ARHGEF10L: variants seen among roughly 807,000 people sequenced by gnomAD.
ARHGEF10L encodes the protein Rho guanine nucleotide exchange factor 10 like.
In ARHGEF10L, 69 loss-of-function variants were observed where a neutral mutation model predicts 141.2. That is an observed-to-expected ratio of 0.49 (90% CI 0.40 to 0.60). ARHGEF10L has a LOEUF of 0.60. Among genes scored for constraint, ARHGEF10L ranks in the 20% least tolerant of loss-of-function variants. The pLI is 0.00. For synonymous variants in ARHGEF10L, 711 were observed against 718.5 expected (o/e 0.99, Z 0.17); for missense variants, 1,482 against 1,734.3 (o/e 0.85, Z 2.58).
intron 26 of ARHGEF10L, among the ~76,000 whole-genome samples, chr1:17,683,617 A>G (rs7527509): frequency 0.87 from 129,996 of 148,668 alleles, 55,664 homozygotes; most frequent in East Asian, 0.92. Context: ...GAGACATGCC[A>G]GGCTGGGGCT....
chr1:17,553,561 C>T (rs1009071450), intron 1 of ARHGEF10L, among the ~76,000 whole-genome samples: 14 of 151,944 alleles, frequency 9.2e-5, no homozygotes, highest in Non-Finnish European at 1.3e-4. Flanking sequence ...GTGGGAGTGT[C>T]GCTTGAGCCC....
chr1:17,685,892 G>A (rs796461552), intron 26 of ARHGEF10L, among the ~76,000 whole-genome samples: 8 of 152,314 alleles, frequency 5.3e-5, no homozygotes, highest in African/African-American at 1.9e-4. Context: ...GCCCCGTCCA[G>A]GATCCTCCTG....
At chr1:17,579,084 G>A (rs988469965) in intron 1 of ARHGEF10L, among the ~76,000 whole-genome samples, 4 of 152,012 alleles carry the variant, frequency 2.6e-5, no homozygotes, top group Non-Finnish European at 5.9e-5. Context: ...GCGGTGGCAC[G>A]GTCTTGGCTC....
At chr1:17,660,436 T>C (rs1032317401) in intron 25 of ARHGEF10L, among the ~76,000 whole-genome samples, 2 of 152,090 alleles carry the variant, frequency 1.3e-5, no homozygotes, top group African/African-American at 4.8e-5. Flanking sequence ...TTGTGAAGGG[T>C]AGACATGGCA....
intron 12 of ARHGEF10L, among the ~76,000 whole-genome samples, chr1:17,624,033 G>A (rs2060247680): frequency 6.6e-6 from 1 of 152,306 alleles, no homozygotes; most frequent in African/African-American, 2.4e-5. Flanking sequence ...TTTCCTGAAC[G>A]TGAATGCAGT....
At chr1:17,622,917 C>A (rs1172673472) in intron 11 of ARHGEF10L, 79 bp from the exon 12 acceptor site, 2 of 1,476,616 alleles carry the variant, frequency 1.4e-6, no homozygotes, top group Non-Finnish European at 9.1e-7. Context: ...CCATTCATGG[C>A]TGGCCGAGTT....
intron 1 of ARHGEF10L, among the ~76,000 whole-genome samples, chr1:17,550,637 C>G (rs375341495): frequency 3.0e-5 from 4 of 132,628 alleles, no homozygotes; most frequent in African/African-American, 1.2e-4. Context: ...GAGTGAAACT[C>G]CATCTCAAAA....
intron 18 of ARHGEF10L, among the ~76,000 whole-genome samples, chr1:17,635,424 C>T (rs934063084): frequency 8.5e-5 from 13 of 152,212 alleles, no homozygotes; most frequent in African/African-American, 1.2e-4. Flanking sequence ...TTCCCATTGC[C>T]GGTCCTGAGG....
rs1259023450 is a variant in ARHGEF10L, at chr1:17,687,765, AC to A, written c.3184+19del. 1.9e-6 allele frequency: 3 copies of A among 1,559,926 alleles called. No individual in the cohort carries two copies. Among genetic ancestry groups the A allele is most frequent in the Admixed American group, 1.8e-5 (1 of 55,802 alleles). Reference sequence around the variant, plus strand: ...CCTGCCAGGTGAGGCTGCCTCGGGCACGGGGGAGCGGACAGTCACAGAGCAC... The same window carrying A: ...CCTGCCAGGTGAGGCTGCCTCGGGCAGGGGGAGCGGACAGTCACAGAGCAC... On this transcript the variant is annotated intron_variant, in intron 27 of 28. Transcript: ENST00000361221.
At chr1:17,575,104 C>T (rs942885118) in intron 1 of ARHGEF10L, among the ~76,000 whole-genome samples, 6 of 152,182 alleles carry the variant, frequency 3.9e-5, no homozygotes, top group African/African-American at 7.2e-5. Flanking sequence ...GTGTGTACCC[C>T]GGGCCAGACC....
At chr1:17,635,170 C>G (rs1251833732) in intron 18 of ARHGEF10L, among the ~76,000 whole-genome samples, 154 bp downstream of exon 18, 2 of 152,202 alleles carry the variant, frequency 1.3e-5, no homozygotes. Context: ...TTTGCAGCCC[C>G]ACCCTGGACC....
chr1:17,521,557 C>T, the ARHGEF10L span, among the ~76,000 whole-genome samples: 8 of 152,214 alleles, frequency 5.3e-5, no homozygotes, highest in African/African-American at 1.4e-4. Context: ...TACTTCATGG[C>T]GAGCACTTTG....
At chr1:17,688,098 C>T (rs2064770373) in intron 27 of ARHGEF10L, among the ~76,000 whole-genome samples, 1 of 152,248 alleles carries the variant, frequency 6.6e-6, no homozygotes, top group Non-Finnish European at 1.5e-5. Context: ...GTTGACCAAA[C>T]ACCCAATTCT....
chr1:17,631,465 T>C (rs1375818921), intron 15 of ARHGEF10L, among the ~76,000 whole-genome samples: 4 of 152,176 alleles, frequency 2.6e-5, no homozygotes, highest in African/African-American at 4.8e-5. Flanking sequence ...AACTCTGTCA[T>C]GAGGCCACCT....
intron 1 of ARHGEF10L, among the ~76,000 whole-genome samples, chr1:17,566,162 C>T (rs79263340): frequency 0.026 from 3,978 of 152,220 alleles, 167 homozygotes; most frequent in African/African-American, 0.089. Context: ...CCCTCTGATC[C>T]GGGTTTCCCA....
Position 17,624,517 on chromosome 1 carries a change from G to T in ARHGEF10L, c.1317+14G>T, listed in dbSNP as rs1359742856. 1.2e-6 allele frequency: 2 copies of T among 1,605,526 alleles called. No individual in the cohort carries two copies. The highest frequency in any genetic ancestry group is 2.2e-5 in the East Asian group (1 of 44,844). Reference sequence around the variant, plus strand: ...GAGTTCCTCAAGGTGGGCCTCCATGGTGGTACCGTGCCTGGTCAGGGTGGG... The same window carrying T: ...GAGTTCCTCAAGGTGGGCCTCCATGTTGGTACCGTGCCTGGTCAGGGTGGG... On this transcript the variant is annotated intron_variant, in intron 13 of 28. Coordinates refer to ENST00000361221, the MANE Select transcript of ARHGEF10L (RefSeq NM_018125.4).
intron 21 of ARHGEF10L, among the ~76,000 whole-genome samples, chr1:17,642,698 C>G (rs2101860977): frequency 6.6e-6 from 1 of 152,254 alleles, no homozygotes; most frequent in East Asian, 1.9e-4. Flanking sequence ...ACCAGAAGGC[C>G]TTTGGAGGGT....
Position 17,656,037 on chromosome 1 carries a change from C to A in ARHGEF10L, c.2640C>A (p.Ser880Arg). 1 of 1,570,736 alleles carries A rather than the reference C, an allele frequency of 6.4e-7. No homozygotes were observed. Among genetic ancestry groups the A allele is most frequent in the Non-Finnish European group, 8.6e-7 (1 of 1,157,354 alleles). Residue 880 changes from serine (S) to arginine (R), a missense_variant, in exon 24 of 29, where the codon AGC becomes AGA. Around this residue, in one of 3 missense-constraint regions of ARHGEF10L, gnomAD observed 858 missense variants for 966.3 expected, o/e 0.89. Coordinates refer to ENST00000361221, the MANE Select transcript of ARHGEF10L (RefSeq NM_018125.4). This position sits in a 1 kb window ranked among gnomAD's most constrained non-coding sequence, Gnocchi z 4.9. ...AGGAGGCGGAGAGCAGAGACGAGAG[C>A]CCGACAGTTGCTGACCCCTCGGCCA... is the stretch of plus-strand genomic sequence containing the variant. ...LEEEAESRDESPTVADPSATV... is the reference protein window; with the variant it reads ...LEEEAESRDERPTVADPSATV...
chr1:17,679,615 T>A (rs966935665), intron 26 of ARHGEF10L, among the ~76,000 whole-genome samples: 38 of 152,126 alleles, frequency 2.5e-4, no homozygotes, highest in African/African-American at 8.2e-4. Flanking sequence ...AGCGGTAAAG[T>A]GTTGATAAGA....
Sources: allele counts gnomAD v4.1 joint callset (sites outside exome capture counted in the v4.1 genomes callset), GRCh38; gene constraint gnomAD v4.1.1; regional missense constraint gnomAD v4.1.1; non-coding constraint Gnocchi (gnomAD v3.1); transcripts MANE v1.5; gene names NCBI Gene and HGNC (gene_info 2026-07-23, HGNC 2026-07-21).